The following MICU1 variants were observed in gnomAD, a reference collection of about 807,000 sequenced individuals.
MICU1 encodes mitochondrial calcium uptake 1.
Under a neutral mutation model 56.8 loss-of-function variants are expected in MICU1, and 45 were observed. That is an observed-to-expected ratio of 0.79 (90% CI 0.62 to 1.02). MICU1 has a LOEUF of 1.02. Among genes scored for constraint, MICU1 ranks in the 50% least tolerant of loss-of-function variants. The pLI, the probability that MICU1 is intolerant of heterozygous loss-of-function variation, is 0.00. For missense variants in MICU1, 504 were observed against 587.1 expected (o/e 0.86, Z 1.46); for synonymous variants, 186 against 195.1 (o/e 0.95, Z 0.39).
chr10:72,576,297 C>T (rs1433472719), intron 1 of MICU1, among the ~76,000 whole-genome samples: 1 of 148,082 alleles, frequency 6.8e-6, no homozygotes, highest in Non-Finnish European at 1.5e-5. Context: ...AGCCAAAGGC[C>T]AAGATAGGCC....
At chr10:72,435,478 C>T (rs1453169062) in intron 8 of MICU1, among the ~76,000 whole-genome samples, 1 of 150,902 alleles carries the variant, frequency 6.6e-6, no homozygotes, top group Non-Finnish European at 1.5e-5. Flanking sequence ...ATGATCGATG[C>T]AGAAGATGAG....
chr10:72,589,573 T>C (rs1841164613), intron 1 of MICU1, among the ~76,000 whole-genome samples: 1 of 150,914 alleles, frequency 6.6e-6, no homozygotes, highest in Non-Finnish European at 1.5e-5. Flanking sequence ...GCCAGAAAAA[T>C]ACTGAAGGAA....
intron 4 of MICU1, among the ~76,000 whole-genome samples, chr10:72,537,085 G>A (rs149010545): frequency 6.6e-6 from 1 of 152,146 alleles, no homozygotes; most frequent in Non-Finnish European, 1.5e-5. Flanking sequence ...AGGGGCATGG[G>A]AGGACAACCT....
At chr10:72,525,249 T>A (rs1055386032) in intron 5 of MICU1, among the ~76,000 whole-genome samples, 1 of 151,874 alleles carries the variant, frequency 6.6e-6, no homozygotes, top group African/African-American at 2.4e-5. Flanking sequence ...TATTTTCAAA[T>A]ATCAAATGGT....
At chr10:72,525,289 C>T (rs1050523074) in intron 5 of MICU1, among the ~76,000 whole-genome samples, 3 of 152,076 alleles carry the variant, frequency 2.0e-5, no homozygotes, top group Non-Finnish European at 2.9e-5. Context: ...AAATAAACTT[C>T]ACTGACCAGG....
At chr10:72,528,525 C>T (rs1868027795) in intron 5 of MICU1, among the ~76,000 whole-genome samples, 1 of 152,150 alleles carries the variant, frequency 6.6e-6, no homozygotes, top group African/African-American at 2.4e-5. Context: ...GAGGGAAAGA[C>T]ATGGCTAATT....
At chr10:72,530,997 T>G (rs1429107929) in intron 5 of MICU1, among the ~76,000 whole-genome samples, 1 of 152,202 alleles carries the variant, frequency 6.6e-6, no homozygotes, top group Non-Finnish European at 1.5e-5. Context: ...ATTTTTATAT[T>G]TGTTCTTACT....
chr10:72,386,604 G>T (rs916508489), intron 10 of MICU1, among the ~76,000 whole-genome samples: 1 of 136,936 alleles, frequency 7.3e-6, no homozygotes, highest in African/African-American at 2.7e-5. Flanking sequence ...CTGTCACCCC[G>T]GCTGGAGTGC....
chr10:72,598,094 TG>T (rs780904402), intron 1 of MICU1, among the ~76,000 whole-genome samples: 7 of 152,052 alleles, frequency 4.6e-5, no homozygotes, highest in Non-Finnish European at 8.8e-5. Flanking sequence ...ATTAGAGATA[TG>T]AAAAACTAAC....
intron 1 of MICU1, among the ~76,000 whole-genome samples, chr10:72,579,637 G>C (rs942968142): frequency 6.6e-6 from 1 of 151,826 alleles, no homozygotes. Flanking sequence ...GTGTGAATAG[G>C]CATAAGATGA....
In MICU1 at chr10:72,569,319, C is replaced by T. The variant is rs766154834; in HGVS notation, c.-1-2525G>A. ...GCATGATCTCAGTTCACTGCAACCT[C>T]TGCCTCTCGGATTCAAGCAATTCTC... On this transcript the variant is annotated intron_variant, in intron 1 of 11. Transcript: ENST00000361114. 8.5e-5 allele frequency among the ~76,000 whole-genome samples: 12 copies of T among 141,922 alleles called. No homozygotes were observed. In the South Asian group the frequency reaches 1.6e-3, roughly 19 times the overall value. 93.1% of individuals were successfully genotyped at this position (141,922 alleles called of 152,430 possible).
intron 4 of MICU1, among the ~76,000 whole-genome samples, chr10:72,548,377 G>A (rs1839948016): frequency 6.6e-6 from 1 of 152,202 alleles, no homozygotes; most frequent in Admixed American, 6.5e-5. Flanking sequence ...TTATTTTTTA[G>A]ATAGGAAAAT....
chr10:72,448,944 T>G (rs1456203925), intron 8 of MICU1, among the ~76,000 whole-genome samples: 1 of 152,176 alleles, frequency 6.6e-6, no homozygotes, highest in South Asian at 2.1e-4. Flanking sequence ...CGTTTTGTTT[T>G]GGTTGTTTTA....
At chr10:72,487,541 G>C (rs1866514309) in intron 6 of MICU1, among the ~76,000 whole-genome samples, 1 of 152,284 alleles carries the variant, frequency 6.6e-6, no homozygotes, top group Non-Finnish European at 1.5e-5. Context: ...CAGTGGGTCA[G>C]TCAAGAGCAA....
intron 6 of MICU1, among the ~76,000 whole-genome samples, chr10:72,486,662 G>A (rs1409661892): frequency 1.3e-5 from 2 of 152,152 alleles, no homozygotes; most frequent in East Asian, 3.9e-4. Flanking sequence ...AATAGAGACG[G>A]GGTTTTGCCA....
At position 72,475,135 on chromosome 10, in the gene MICU1, G is replaced by C; in HGVS notation, c.898C>G (p.Gln300Glu). Reference sequence around the variant, plus strand: ...AGAACATCATGCTGCAGTTTACGCTGAAATTCGAGGAAGTTTTTGATTGTC... The same window carrying C: ...AGAACATCATGCTGCAGTTTACGCTCAAATTCGAGGAAGTTTTTGATTGTC... ...KLTIKNFLEF[Q>E]RKLQHDVLKL... Residue 300 changes from glutamine (Q) to glutamate (E), a missense_variant, in exon 8 of 12, where the codon CAG (glutamine) becomes GAG (glutamate). Gln to Glu is a conservative substitution (Grantham distance 29, BLOSUM62 2). Coordinates refer to ENST00000361114, the MANE Select transcript of MICU1 (RefSeq NM_001195518.2). 1 of 1,610,922 alleles carries C rather than the reference G, an allele frequency of 6.2e-7. No homozygotes were observed. The highest frequency in any genetic ancestry group is 1.1e-5 in the South Asian group (1 of 90,284).
chr10:72,612,239 G>A (rs117309175), intron 1 of MICU1, among the ~76,000 whole-genome samples: 155 of 150,962 alleles, frequency 1.0e-3, no homozygotes, highest in Non-Finnish European at 1.3e-3. Context: ...TAGAACTCCA[G>A]ATTTCCCACA....
At chr10:72,556,127 A>G (rs983398144) in intron 3 of MICU1, among the ~76,000 whole-genome samples, 1 of 152,186 alleles carries the variant, frequency 6.6e-6, no homozygotes, top group African/African-American at 2.4e-5. Flanking sequence ...TCAAGAGGTG[A>G]CATAACCTAA....
chr10:72,440,486 T>C (rs1393987341), intron 8 of MICU1, among the ~76,000 whole-genome samples: 1 of 152,194 alleles, frequency 6.6e-6, no homozygotes, highest in Admixed American at 6.5e-5. Context: ...GACATAGGCA[T>C]GGGCAAGGAC....
Sources: gnomAD v4.1 joint callset for allele counts (sites outside exome capture counted in the v4.1 genomes callset) on GRCh38, gnomAD v4.1.1 for gene constraint, MANE v1.5 for transcripts, NCBI Gene and HGNC (gene_info 2026-07-23, HGNC 2026-07-21) for gene names.